Variants in TMEM132C observed in about 807,000 individuals in gnomAD.
TMEM132C encodes the protein transmembrane protein 132C.
Under a neutral mutation model 61.4 loss-of-function variants are expected in TMEM132C, and 29 were observed. The observed-to-expected ratio is 0.47, with a 90% CI of 0.35 to 0.64. The LOEUF (loss-of-function observed/expected upper bound fraction) is 0.64. Among genes scored for constraint, TMEM132C ranks in the 30% least tolerant of loss-of-function variants. The pLI, the probability that TMEM132C is intolerant of heterozygous loss-of-function variation, is 0.00. For missense variants in TMEM132C, 1,408 were observed against 1,476.9 expected (o/e 0.95, Z 0.76); for synonymous variants, 656 against 633.1 (o/e 1.04, Z -0.54).
intron 3 of TMEM132C, among the ~76,000 whole-genome samples, chr12:128,562,563 G>A (rs1438831788): frequency 6.6e-6 from 1 of 152,190 alleles, no homozygotes; most frequent in Non-Finnish European, 1.5e-5. Context: ...CATTCATCAT[G>A]TCTTTAATTT....
intron 3 of TMEM132C, among the ~76,000 whole-genome samples, chr12:128,565,418 T>A (rs1016941865): frequency 4.6e-5 from 7 of 152,230 alleles, no homozygotes; most frequent in Non-Finnish European, 8.8e-5. Context: ...ACCACAGATT[T>A]TAGGGTAAAC....
At chr12:128,269,374 G>GTGTGTGTGTGTA (rs1283127074) in intron 1 of TMEM132C, among the ~76,000 whole-genome samples, 3 of 151,968 alleles carry the variant, frequency 2.0e-5, no homozygotes, top group Admixed American at 6.6e-5. Context: ...GTGTGTGTGT[G>GTGTGTGTGTGTA]TGTATCCAGA....
At chr12:128,412,925 C>T (rs1868611392) in intron 1 of TMEM132C, among the ~76,000 whole-genome samples, 3 of 152,120 alleles carry the variant, frequency 2.0e-5, no homozygotes, top group Admixed American at 1.3e-4. Context: ...TGATACTCCA[C>T]TGTGTGTATT....
intron 1 of TMEM132C, among the ~76,000 whole-genome samples, chr12:128,360,127 G>T (rs959886260): frequency 6.6e-6 from 1 of 152,074 alleles, no homozygotes; most frequent in Non-Finnish European, 1.5e-5. Context: ...CAACAATAAC[G>T]AAACCAACAT....
At chr12:128,642,948 G>A (rs552054574) in intron 4 of TMEM132C, among the ~76,000 whole-genome samples, 4 of 152,274 alleles carry the variant, frequency 2.6e-5, no homozygotes, top group Non-Finnish European at 4.4e-5. Flanking sequence ...GAGAGTTTTC[G>A]CAAGTGTCCT....
rs1391091003 is a variant in TMEM132C at position 128,616,284 on chromosome 12, C to T, written c.1254C>T (p.Ser418=). 19 of 1,551,724 alleles carry T rather than the reference C, an allele frequency of 1.2e-5. No individual in the cohort carries two copies. The East Asian group carries it at 2.7e-4, about 22-fold the overall frequency. Residue 418 remains serine (S), a synonymous_variant, in exon 4 of 9, where the codon TCC becomes TCT. Transcript: ENST00000435159. Reference sequence around the variant, plus strand: ...AGGGGACCACAGACATCGCCGTGTCCGAGATCTTTGTCAGCCAGAAGGACC... The same window carrying T: ...AGGGGACCACAGACATCGCCGTGTCTGAGATCTTTGTCAGCCAGAAGGACC... ...PRKGTTDIAV[S]EIFVSQKDLV...
intron 4 of TMEM132C, among the ~76,000 whole-genome samples, chr12:128,624,266 C>T (rs191437506): frequency 6.6e-6 from 1 of 152,206 alleles, no homozygotes; most frequent in Admixed American, 6.5e-5. Flanking sequence ...TAGGAATAGG[C>T]CGAGTGTGGT....
intron 2 of TMEM132C, among the ~76,000 whole-genome samples, chr12:128,521,098 A>G (rs1386492014): frequency 2.0e-5 from 3 of 152,098 alleles, no homozygotes; most frequent in Non-Finnish European, 2.9e-5. Context: ...TACACTGATC[A>G]TCAAAAATAT....
At chr12:128,634,893 C>T (rs1336132146) in intron 4 of TMEM132C, among the ~76,000 whole-genome samples, 1 of 152,220 alleles carries the variant, frequency 6.6e-6, no homozygotes, top group Non-Finnish European at 1.5e-5. Context: ...TATTTCCTTT[C>T]CTTCTGAAGG....
intron 2 of TMEM132C, among the ~76,000 whole-genome samples, chr12:128,434,311 A>G (rs187554567): frequency 6.6e-6 from 1 of 152,210 alleles, no homozygotes; most frequent in Admixed American, 6.5e-5. Context: ...TTTTATTTTT[A>G]TTTTTTGAGA....
intron 2 of TMEM132C, among the ~76,000 whole-genome samples, chr12:128,444,864 A>T (rs1869920965): frequency 6.6e-6 from 1 of 152,054 alleles, no homozygotes; most frequent in Non-Finnish European, 1.5e-5. Flanking sequence ...ACCATTAGGA[A>T]GTGGTCTTAA....
intron 1 of TMEM132C, among the ~76,000 whole-genome samples, chr12:128,382,115 C>T (rs1052158786): frequency 2.0e-5 from 3 of 151,994 alleles, no homozygotes; most frequent in African/African-American, 7.3e-5. Context: ...GGCTCAGCCA[C>T]CCACTGCCGC....
At chr12:128,539,158 A>G (rs2136143410) in intron 2 of TMEM132C, among the ~76,000 whole-genome samples, 1 of 152,254 alleles carries the variant, frequency 6.6e-6, no homozygotes. Flanking sequence ...GCTGTTATTC[A>G]AGGACCTCTC....
chr12:128,399,166 G>A (rs1463040242), intron 1 of TMEM132C, among the ~76,000 whole-genome samples: 1 of 152,102 alleles, frequency 6.6e-6, no homozygotes, highest in African/African-American at 2.4e-5. Context: ...CACATGTGGG[G>A]GAAAAATGCG....
intron 2 of TMEM132C, among the ~76,000 whole-genome samples, chr12:128,447,805 C>T (rs970258996): frequency 1.0e-5 from 1 of 95,308 alleles, no homozygotes; most frequent in Non-Finnish European, 2.0e-5. Flanking sequence ...CGGCTCACTG[C>T]AAGCTCCGCC....
intron 1 of TMEM132C, among the ~76,000 whole-genome samples, chr12:128,335,049 C>T (rs1872760094): frequency 6.6e-6 from 1 of 152,098 alleles, no homozygotes; most frequent in Non-Finnish European, 1.5e-5. Context: ...TTACATGTAT[C>T]ATAGATTGCA....
intron 1 of TMEM132C, chr12:128,288,892 C>T (rs1246518912): frequency 6.6e-6 from 1 of 152,418 alleles, no homozygotes; most frequent in African/African-American, 2.4e-5. Flanking sequence ...GCCAGCTCTT[C>T]TTGGCTTTTA....
chr12:128,423,766 G>C (rs998115201), intron 2 of TMEM132C, among the ~76,000 whole-genome samples: 3 of 151,968 alleles, frequency 2.0e-5, no homozygotes, highest in African/African-American at 7.3e-5. Context: ...AGTGATGGTG[G>C]CTCACACCTG....
At chr12:128,350,583 T>G (rs370271356) in intron 1 of TMEM132C, among the ~76,000 whole-genome samples, 1 of 152,064 alleles carries the variant, frequency 6.6e-6, no homozygotes, top group South Asian at 2.1e-4. Flanking sequence ...GATGGCCATG[T>G]GGCTGGAGCA....
Sources: allele counts gnomAD v4.1 joint callset (sites outside exome capture counted in the v4.1 genomes callset), GRCh38; gene constraint gnomAD v4.1.1; transcripts MANE v1.5; gene names NCBI Gene and HGNC (gene_info 2026-07-23, HGNC 2026-07-21).